LIN9: variants seen among roughly 807,000 people sequenced by gnomAD.
The protein encoded by LIN9 is lin-9 DREAM MuvB core complex component.
A neutral mutation model predicts 78.0 loss-of-function variants in LIN9; 18 were observed. That is an observed-to-expected ratio of 0.23 (90% CI 0.16 to 0.34). The LOEUF (loss-of-function observed/expected upper bound fraction) is 0.34. Among genes scored for constraint, LIN9 ranks in the 10% least tolerant of loss-of-function variants. The pLI is 1.00. For missense variants in LIN9, 451 were observed against 644.1 expected, an observed-to-expected ratio of 0.70 and a Z score of 3.25; for synonymous variants, 192 against 215.2, an observed-to-expected ratio of 0.89 and a Z score of 0.94.
intron 10 of LIN9, among the ~76,000 whole-genome samples, chr1:226,260,628 G>GTTTTTTTTTTTTTTTTTTTTTTT (rs559460640): frequency 1.4e-5 from 1 of 73,436 alleles, no homozygotes; most frequent in African/African-American, 5.0e-5. Context: ...GGCCAAATGA[G>GTTTTTTTTTTTTTTTTTTTTTTT]TTTTTTTTTT....
At chr1:226,273,256 ATTT>A (rs34679926) in intron 7 of LIN9, among the ~76,000 whole-genome samples, 1 of 87,266 alleles carries the variant, frequency 1.1e-5, no homozygotes, top group Non-Finnish European at 2.2e-5. Context: ...TAATTAGGTA[ATTT>A]TTTTTTTTTT....
intron 11 of LIN9, among the ~76,000 whole-genome samples, chr1:226,241,337 C>G (rs952573429): frequency 6.6e-6 from 1 of 152,094 alleles, no homozygotes; most frequent in Non-Finnish European, 1.5e-5. Context: ...AGTATTTGAT[C>G]AAGCCTCTTC....
At position 226,287,795 on chromosome 1, in the gene LIN9, T is replaced by C. The variant is rs986452955; in HGVS notation, c.267A>G (p.Lys89=). The C allele has an allele frequency of 1.3e-6, 2 of 1,543,476 alleles. No homozygotes were observed. Among genetic ancestry groups the C allele is most frequent in the Non-Finnish European group, 8.7e-7 (1 of 1,155,594 alleles). ...RNQRVAMVPQ[K]FTATMSTPDK... The stretch of plus-strand genomic sequence containing the variant: ...CTGGTGTTGACATTGTTGCTGTAAA[T>C]TTCTATACAATAAAAAAAAGAGATT... The change falls in exon 5 of 15, where the codon AAA becomes AAG. Residue 89 remains lysine (K), a splice_region_variant and synonymous_variant. Transcript: ENST00000681046.
At chr1:226,278,396 T>C (rs1660803140) in intron 6 of LIN9, among the ~76,000 whole-genome samples, 1 of 151,484 alleles carries the variant, frequency 6.6e-6, no homozygotes, top group Non-Finnish European at 1.5e-5. Flanking sequence ...GCCACTGCAC[T>C]CCAGCCTGGG....
At chr1:226,309,761 C>G (rs1663186197), upstream of LIN9, 1 of 1,287,378 alleles carries the variant, frequency 7.8e-7, no homozygotes. Context: ...GCACGCCTTT[C>G]CCGAATGTTG....
upstream of LIN9, chr1:226,309,316 G>A: frequency 2.0e-6 from 2 of 1,016,268 alleles, no homozygotes; most frequent in Non-Finnish European, 2.4e-6. Flanking sequence ...GCCCGGGGAG[G>A]AGGTGCCGCC....
In LIN9 at chr1:226,280,635, C is replaced by T. The variant is rs147177575; in HGVS notation, c.525-2703G>A. On this transcript the variant is annotated intron_variant, in intron 6 of 14. Coordinates refer to ENST00000681046, the MANE Select transcript of LIN9 (RefSeq NM_001366245.2). ...ACCAAAAACACAAAAATTAGCTAGG[C>T]GTGGCAGTGTGTGCCTGTAATCCCA... is the stretch of plus-strand genomic sequence containing the variant. 5.3e-3 allele frequency among the ~76,000 whole-genome samples: 813 copies of T among 152,116 alleles called. 5 individuals are homozygous for T. Among genetic ancestry groups the T allele is most frequent in the Non-Finnish European group, 8.1e-3 (549 of 68,004 alleles).
intron 4 of LIN9, among the ~76,000 whole-genome samples, chr1:226,291,265 T>C (rs1288489696): frequency 6.6e-6 from 1 of 152,054 alleles, no homozygotes; most frequent in Non-Finnish European, 1.5e-5. Context: ...GGAGAATTTA[T>C]AAATAATGAT....
intron 6 of LIN9, 27 bp downstream of exon 6, chr1:226,286,306 A>G (rs778432111): frequency 2.2e-5 from 35 of 1,596,700 alleles, no homozygotes; most frequent in Non-Finnish European, 2.9e-5. Flanking sequence ...ATTTTATTTT[A>G]AACAAAAACA....
In LIN9 at chr1:226,260,565, A is replaced by C. The variant is rs72762687; in HGVS notation, c.1038+4968T>G. On this transcript the variant is annotated intron_variant, in intron 10 of 14. Coordinates refer to ENST00000681046, the MANE Select transcript of LIN9 (RefSeq NM_001366245.2). ...CATAAACACAGATGCAAAAATCCTC[A>C]ATAAAATATTAGCAAATTGAATCCA... 9.2e-3 allele frequency among the ~76,000 whole-genome samples: 1,394 copies of C among 151,816 alleles called. 8 individuals are homozygous for C. The highest frequency in any genetic ancestry group is 0.038 in the South Asian group (181 of 4,816).
Position 226,309,158 on chromosome 1 carries a change from CT to C in LIN9, c.-20del. On this transcript the variant is annotated 5_prime_UTR_variant, in exon 1 of 15. Transcript: ENST00000681046. Reference sequence around the variant, plus strand: ...CCGCCATCTTGAACGAGCCGCGCCGCTTTTTCAAAGGCTGCCCGCCGCGGTG... The same window carrying C: ...CCGCCATCTTGAACGAGCCGCGCCGCTTTTCAAAGGCTGCCCGCCGCGGTG... 3.6e-6 allele frequency: 5 copies of C among 1,390,948 alleles called. No homozygotes were observed. The highest frequency in any genetic ancestry group is 3.7e-5 in the South Asian group (2 of 53,760). 86.2% of individuals were successfully genotyped at this position (1,390,948 alleles called of 1,614,324 possible).
chr1:226,297,288 T>TA lies in LIN9; in HGVS notation c.159+430dup, dbSNP rs760443003. Reference sequence around the variant, plus strand: ...AGAGAAAGAGAGTTCCTAAAACTGTTAGTCATGTCAATTATATGCTCATCT... The same window carrying TA: ...AGAGAAAGAGAGTTCCTAAAACTGTTAAGTCATGTCAATTATATGCTCATCT... On this transcript the variant is annotated intron_variant, in intron 3 of 14. Transcript: ENST00000681046. Among the ~76,000 whole-genome samples the TA allele has an allele frequency of 9.2e-4, 140 of 152,206 alleles. 1 individual carries two copies. Among genetic ancestry groups the TA allele is most frequent in the Admixed American group, 7.2e-4 (11 of 15,280 alleles).
Position 226,265,701 on chromosome 1 carries a change from TTA to T in LIN9, c.937-69_937-68del. 1 of 878,392 alleles carries T rather than the reference TTA, an allele frequency of 1.1e-6. No homozygotes were observed. Among genetic ancestry groups the T allele is most frequent in the African/African-American group, 1.7e-5 (1 of 57,846 alleles). 54.4% of individuals were successfully genotyped at this position (878,392 alleles called of 1,614,324 possible). A position where few individuals can be genotyped will look rare whatever the true frequency, so the allele number is the denominator to read the frequency against. On this transcript the variant is annotated intron_variant, in intron 9 of 14. Transcript: ENST00000681046. The surrounding 1 kb of genome is among the most constrained non-coding windows in gnomAD (Gnocchi z 4.1). The stretch of plus-strand genomic sequence containing the variant: ...GAGGAAGTATCTTATTTTTTTATTT[TTA>T]TTTTTTTTTAGACGGAGTCTCGCTC...
intron 10 of LIN9, among the ~76,000 whole-genome samples, chr1:226,262,906 T>C (rs1296956496): frequency 6.6e-6 from 1 of 152,224 alleles, no homozygotes; most frequent in East Asian, 1.9e-4. Context: ...AGTTTGTCAA[T>C]GAGTAAATAA....
intron 12 of LIN9, among the ~76,000 whole-genome samples, chr1:226,235,521 G>A (rs1285380757): frequency 6.6e-6 from 1 of 152,020 alleles, no homozygotes; most frequent in Non-Finnish European, 1.5e-5. Flanking sequence ...TAAAATTTTA[G>A]AATATTTGCA....
chr1:226,232,891 T>C (rs916436596), intron 14 of LIN9: 2 of 497,462 alleles, frequency 4.0e-6, no homozygotes, highest in Non-Finnish European at 7.0e-6. Flanking sequence ...CAAACCTAAA[T>C]ATATGTCCTG....
chr1:226,295,961 T>C lies in LIN9; in HGVS notation c.160-15A>G. On this transcript the variant is annotated splice_polypyrimidine_tract_variant and intron_variant, in intron 3 of 14. Transcript: ENST00000681046. Reference sequence around the variant, plus strand: ...TTTCTGAAAGGCTATGATAGAAATGTTTTCATTTAATGAAAAAGCCGAACC... The same window carrying C: ...TTTCTGAAAGGCTATGATAGAAATGCTTTCATTTAATGAAAAAGCCGAACC... 2 of 1,569,622 alleles carry C rather than the reference T, an allele frequency of 1.3e-6. No individual in the cohort carries two copies. Among genetic ancestry groups the C allele is most frequent in the East Asian group, 2.2e-5 (1 of 44,600 alleles).
intron 5 of LIN9, among the ~76,000 whole-genome samples, chr1:226,286,832 G>A (rs546250506): frequency 8.5e-5 from 13 of 152,300 alleles, no homozygotes; most frequent in Admixed American, 8.5e-4. Flanking sequence ...AATTAAACCA[G>A]TCTTGGGACA....
chr1:226,236,840 C>T (rs1306619196), intron 12 of LIN9, among the ~76,000 whole-genome samples: 1 of 152,164 alleles, frequency 6.6e-6, no homozygotes. Context: ...ATTCTCATTG[C>T]TGGGTAGCAT....
Sources: allele counts gnomAD v4.1 joint callset (sites outside exome capture counted in the v4.1 genomes callset), GRCh38; gene constraint gnomAD v4.1.1; non-coding constraint Gnocchi (gnomAD v3.1); transcripts MANE v1.5; gene names NCBI Gene and HGNC (gene_info 2026-07-23, HGNC 2026-07-21).